SPHKAP: variants seen among roughly 807,000 people sequenced by gnomAD.
SPHKAP encodes the protein A-kinase anchor protein SPHKAP.
Under a neutral mutation model 137.5 loss-of-function variants are expected in SPHKAP, and 67 were observed. The ratio of observed to expected loss-of-function variants is 0.49; its 90% CI spans 0.40 to 0.60. SPHKAP has a LOEUF of 0.60. Among genes scored for constraint, SPHKAP ranks in the 20% least tolerant of loss-of-function variants. SPHKAP has a pLI of 0.00. For missense variants in SPHKAP, 2,097 were observed against 2,069.3 expected, an observed-to-expected ratio of 1.01 and a Z score of -0.26; for synonymous variants, 813 against 785.3, an observed-to-expected ratio of 1.04 and a Z score of -0.59.
chr2:228,051,911 G>T (rs1456428852), intron 3 of SPHKAP, among the ~76,000 whole-genome samples: 1 of 152,026 alleles, frequency 6.6e-6, no homozygotes, highest in Non-Finnish European at 1.5e-5. Flanking sequence ...ATTGATGAGA[G>T]TTCAGCCTTC....
intron 3 of SPHKAP, among the ~76,000 whole-genome samples, chr2:228,042,232 G>T (rs1490983708): frequency 2.0e-5 from 3 of 152,142 alleles, no homozygotes; most frequent in Non-Finnish European, 2.9e-5. Flanking sequence ...TGGCACATCA[G>T]AATCATCTGG....
Position 228,017,709 on chromosome 2 carries a change from G to A in SPHKAP, c.3145C>T (p.Leu1049=). 1.2e-6 allele frequency: 2 copies of A among 1,614,088 alleles called. No individual in the cohort carries two copies. The highest frequency in any genetic ancestry group is 1.7e-6 in the Non-Finnish European group (2 of 1,180,020). The part of the protein sequence containing the change: ...ANEVAAKIMN[L]TEFSMVDGMW... ...CCGTCCACCATAGAGAACTCCGTTA[G>A]GTTCATGATCTTGGCTGCCACTTCA... Residue 1049 remains leucine (L), a synonymous_variant, in exon 7 of 12, where the codon CTA becomes TTA. Coordinates refer to ENST00000392056, the MANE Select transcript of SPHKAP (RefSeq NM_001142644.2).
At chr2:228,140,440 A>G (rs1395543027) in intron 1 of SPHKAP, among the ~76,000 whole-genome samples, 2 of 151,932 alleles carry the variant, frequency 1.3e-5, no homozygotes. Context: ...TCACTCTGAT[A>G]CTCTGATATA....
rs1246127355 is a variant in SPHKAP, at chr2:227,981,725, G to C, written c.5095C>G (p.Leu1699Val). The C allele has an allele frequency of 3.7e-6, 6 of 1,612,920 alleles. No individual in the cohort carries two copies. The South Asian group carries it at 6.6e-5, about 18-fold the overall frequency. ...RLSLFDWLLE[L>V]G The stretch of plus-strand genomic sequence containing the variant: ...TACGGCAGACTGCCTTATTATCCCA[G>C]TTCCAAGAGCCAGTCAAAGAGACTC... The change falls in exon 12 of 12, where the codon CTG becomes GTG. Residue 1699 changes from leucine (L) to valine (V), a missense_variant. Transcript: ENST00000392056.
At chr2:228,014,625 G>A (rs1694495882) in intron 7 of SPHKAP, among the ~76,000 whole-genome samples, 1 of 152,154 alleles carries the variant, frequency 6.6e-6, no homozygotes, top group Admixed American at 6.5e-5. Flanking sequence ...AATCCACCTA[G>A]ACACTATGTA....
In SPHKAP at chr2:228,016,928, G is replaced by C. The variant is rs200923997; in HGVS notation, c.3926C>G (p.Thr1309Arg). The C allele has an allele frequency of 1.2e-5, 20 of 1,613,942 alleles. No homozygotes were observed. Among genetic ancestry groups the C allele is most frequent in the Non-Finnish European group, 1.7e-5 (20 of 1,180,010 alleles). The change falls in exon 7 of 12, where the codon ACG (threonine) becomes AGG (arginine). Residue 1309 changes from threonine (T) to arginine (R), a missense_variant. By Grantham distance (71) the Thr-to-Arg change is moderately conservative (BLOSUM62 -1). Coordinates refer to ENST00000392056, the MANE Select transcript of SPHKAP (RefSeq NM_001142644.2). ...DHITNMLIHETWASSIEALMR... is the reference protein window; with the variant it reads ...DHITNMLIHERWASSIEALMR... ...GAGAGCCTCAATGGAGCTAGCCCACGTTTCATGAATTAACATGTTGGTGAT... is the reference window on the plus strand; with the variant it reads ...GAGAGCCTCAATGGAGCTAGCCCACCTTTCATGAATTAACATGTTGGTGAT...
intron 2 of SPHKAP, among the ~76,000 whole-genome samples, chr2:228,117,986 C>G (rs905076573): frequency 1.3e-5 from 2 of 151,906 alleles, no homozygotes; most frequent in African/African-American, 2.4e-5. Flanking sequence ...TAGCTTTATT[C>G]TAATTTATTG....
intron 1 of SPHKAP, among the ~76,000 whole-genome samples, chr2:228,165,286 T>C (rs1403126854): frequency 2.0e-5 from 3 of 152,072 alleles, no homozygotes; most frequent in Non-Finnish European, 4.4e-5. Flanking sequence ...CTGTTAGAAG[T>C]CCCACTACAC....
chr2:228,160,727 T>A (rs1383546929), intron 1 of SPHKAP, among the ~76,000 whole-genome samples: 1 of 152,178 alleles, frequency 6.6e-6, no homozygotes, highest in African/African-American at 2.4e-5. Context: ...ATGACTGCTT[T>A]TAGGTGAACT....
intron 7 of SPHKAP, among the ~76,000 whole-genome samples, chr2:227,999,512 G>A (rs1361536833): frequency 6.6e-6 from 1 of 152,140 alleles, no homozygotes; most frequent in African/African-American, 2.4e-5. Flanking sequence ...TCATTTCCTG[G>A]ACCAATTTCT....
chr2:228,081,442 C>T (rs950310417), intron 3 of SPHKAP, among the ~76,000 whole-genome samples: 27 of 152,154 alleles, frequency 1.8e-4, no homozygotes, highest in Non-Finnish European at 2.6e-4. Flanking sequence ...ATATACTTTT[C>T]GTTCACAATC....
chr2:228,002,579 C>T (rs1239277336), intron 7 of SPHKAP, among the ~76,000 whole-genome samples: 1 of 151,754 alleles, frequency 6.6e-6, no homozygotes, highest in Admixed American at 6.5e-5. Flanking sequence ...TAATTAGATC[C>T]CATTTGTCTA....
chr2:228,025,467 G>A lies in SPHKAP; in HGVS notation c.368C>T (p.Pro123Leu). 1 of 1,613,860 alleles carries A rather than the reference G, an allele frequency of 6.2e-7. No individual in the cohort carries two copies. The highest frequency in any genetic ancestry group is 8.5e-7 in the Non-Finnish European group (1 of 1,179,892). ...TAGGACAACAATTTCATTTTCTTTT[G>A]GTTGTTGGACATTCATGGAACTGAT... ...KLISSMNVQQ[P>L]KENEIVVLSG... The change falls in exon 5 of 12, where the codon CCA becomes CTA. Residue 123 changes from proline to leucine, a missense_variant. Pro to Leu is a moderately conservative substitution (Grantham distance 98). Coordinates refer to ENST00000392056, the MANE Select transcript of SPHKAP (RefSeq NM_001142644.2).
chr2:228,171,643 A>C (rs1011829520), intron 1 of SPHKAP, among the ~76,000 whole-genome samples: 4 of 152,248 alleles, frequency 2.6e-5, no homozygotes, highest in African/African-American at 9.6e-5. Context: ...ATGAGTATCA[A>C]CTTCCTGGTG....
chr2:228,131,691 G>T, intron 2 of SPHKAP: 2 of 636,156 alleles, frequency 3.1e-6, no homozygotes, highest in Non-Finnish European at 3.9e-6. Flanking sequence ...GAAAGGAGAT[G>T]CAAGAAACTG....
intron 3 of SPHKAP, among the ~76,000 whole-genome samples, chr2:228,088,663 C>A (rs1321757471): frequency 6.6e-6 from 1 of 152,086 alleles, no homozygotes; most frequent in East Asian, 1.9e-4. Flanking sequence ...GAGGTGAATC[C>A]CTCATGAATG....
intron 1 of SPHKAP, among the ~76,000 whole-genome samples, chr2:228,160,577 G>A (rs575040057): frequency 1.3e-5 from 2 of 152,126 alleles, no homozygotes; most frequent in African/African-American, 2.4e-5. Flanking sequence ...AGCATGGGGG[G>A]TAATCGCCCC....
At chr2:228,051,511 A>G (rs1455770868) in intron 3 of SPHKAP, among the ~76,000 whole-genome samples, 2 of 152,072 alleles carry the variant, frequency 1.3e-5, no homozygotes, top group African/African-American at 4.8e-5. Context: ...CTGAGGCTAG[A>G]CCACTGGTTC....
rs1693611400 is a variant in SPHKAP, at chr2:227,995,627, C to T, written c.4516G>A (p.Ala1506Thr). The T allele has an allele frequency of 3.1e-6, 5 of 1,613,764 alleles. No homozygotes were observed. The highest frequency in any genetic ancestry group is 1.1e-5 in the South Asian group (1 of 91,046). Residue 1506 changes from alanine (A) to threonine (T), a missense_variant, in exon 8 of 12, where the codon GCC becomes ACC. Ala to Thr is a moderately conservative substitution (Grantham distance 58, BLOSUM62 0). Coordinates refer to ENST00000392056, the MANE Select transcript of SPHKAP (RefSeq NM_001142644.2). ...ASTEARAPDEAPNPPSSSEES... is the reference protein window; with the variant it reads ...ASTEARAPDETPNPPSSSEES... ...TCGCTGCTGCTTGGAGGGTTGGGGGCCTCATCGGGGGCTCTGGCTTCTGTG... is the reference window on the plus strand; with the variant it reads ...TCGCTGCTGCTTGGAGGGTTGGGGGTCTCATCGGGGGCTCTGGCTTCTGTG...
Sources: allele counts gnomAD v4.1 joint callset (sites outside exome capture counted in the v4.1 genomes callset), GRCh38; gene constraint gnomAD v4.1.1; transcripts MANE v1.5; gene names NCBI Gene and HGNC (gene_info 2026-07-23, HGNC 2026-07-21).